Variants in PPP1R16B observed in about 807,000 individuals in gnomAD.
PPP1R16B encodes protein phosphatase 1 regulatory subunit 16B, also known as protein phosphatase 1 regulatory inhibitor subunit 16B.
PPP1R16B carries 14 observed loss-of-function variants against 61.7 expected under a neutral mutation model. The ratio of observed to expected loss-of-function variants is 0.23; its 90% CI spans 0.15 to 0.35. The LOEUF is 0.35. Ranked by LOEUF, PPP1R16B falls within the 10% of genes least tolerant of loss-of-function variation. The probability of loss-of-function intolerance (pLI) is 1.00; values close to 1 mark genes in which losing one functional copy is unlikely to be tolerated. For synonymous variants in PPP1R16B, 266 were observed against 305.3 expected (o/e 0.87, Z 1.34); for missense variants, 547 against 752.5 (o/e 0.73, Z 3.19).
intron 2 of PPP1R16B, among the ~76,000 whole-genome samples, chr20:38,857,057 C>G (rs1322016577): frequency 1.3e-5 from 2 of 152,208 alleles, no homozygotes; most frequent in African/African-American, 4.8e-5. Context: ...TGCCCTTTTC[C>G]AAACCCATTG....
chr20:38,914,704 G>T (rs1454319811), intron 10 of PPP1R16B, among the ~76,000 whole-genome samples: 2 of 152,104 alleles, frequency 1.3e-5, no homozygotes, highest in African/African-American at 2.4e-5. Context: ...ATTCTGACAG[G>T]GTCACTCAGG....
intron 2 of PPP1R16B, 46 bp downstream of exon 2, chr20:38,836,221 TG>T: frequency 1.3e-6 from 2 of 1,573,836 alleles, no homozygotes; most frequent in East Asian, 2.2e-5. Flanking sequence ...CCTTGGCCTC[TG>T]ATCAGGGTTT....
chr20:38,900,440 C>T (rs1461604299), intron 4 of PPP1R16B, 141 bp from the exon 5 acceptor site: 3 of 596,482 alleles, frequency 5.0e-6, no homozygotes, highest in Non-Finnish European at 8.7e-6. Context: ...ATCCAAGCAT[C>T]ATCTTGCTGG....
At position 38,920,294 on chromosome 20, in the gene PPP1R16B, C is replaced by A. The variant is rs779115041; in HGVS notation, c.*1628C>A. ...TGCAGGTTATCCCTTGCTCTGTGCG[C>A]CTTTTATTTGTCCTTAAACTACCTC... On this transcript the variant is annotated 3_prime_UTR_variant, in exon 11 of 11. Transcript: ENST00000299824. 3.3e-5 allele frequency: 5 copies of A among 152,712 alleles called. No individual in the cohort carries two copies. The highest frequency in any genetic ancestry group is 1.2e-4 in the African/African-American group (5 of 41,454). The allele number at this position is 152,712 out of a possible 1,614,324, so 9.5% of individuals were successfully genotyped here. A position where few individuals can be genotyped will look rare whatever the true frequency, so the allele number is the denominator to read the frequency against.
At chr20:38,832,905 G>A (rs1453205858) in intron 1 of PPP1R16B, among the ~76,000 whole-genome samples, 6 of 143,514 alleles carry the variant, frequency 4.2e-5, no homozygotes, top group African/African-American at 7.8e-5. Context: ...GCGACAGAGC[G>A]AGATCTCAAA....
chr20:38,850,371 T>A (rs1243409973), intron 2 of PPP1R16B, among the ~76,000 whole-genome samples: 1 of 152,190 alleles, frequency 6.6e-6, no homozygotes, highest in African/African-American at 2.4e-5. Flanking sequence ...AATATTGGGA[T>A]GATATTTCCA....
intron 2 of PPP1R16B, among the ~76,000 whole-genome samples, chr20:38,848,202 A>G (rs754854822): frequency 6.6e-6 from 1 of 152,166 alleles, no homozygotes; most frequent in Non-Finnish European, 1.5e-5. Context: ...ATGTTTCCTC[A>G]TCTAGTGATG....
rs376608508 is a variant in PPP1R16B, at chr20:38,817,416, T to C, written c.-102+11624T>C. ...TGTCTCTACTAAAAATACAAAAAAA[T>C]TAGCCAGGCATGGTTGTGTGTGCCT... On this transcript the variant is annotated intron_variant, in intron 1 of 10. Coordinates refer to ENST00000299824, the MANE Select transcript of PPP1R16B (RefSeq NM_015568.4). Among the ~76,000 whole-genome samples the C allele has an allele frequency of 1.6e-4, 25 of 151,802 alleles. No homozygotes were observed. The East Asian group carries it at 3.3e-3, about 20-fold the overall frequency.
At chr20:38,895,977 TCCC>T (rs1355930000) in intron 4 of PPP1R16B, among the ~76,000 whole-genome samples, 1 of 108,434 alleles carries the variant, frequency 9.2e-6, no homozygotes, top group African/African-American at 4.3e-5. Flanking sequence ...CTTCCCTCCC[TCCC>T]TCCTTCCTTC....
intron 2 of PPP1R16B, among the ~76,000 whole-genome samples, chr20:38,872,524 T>C (rs991588352): frequency 6.6e-6 from 1 of 152,086 alleles, no homozygotes; most frequent in African/African-American, 2.4e-5. Context: ...CTGGCAGGGT[T>C]TGTTAAAGCG....
intron 10 of PPP1R16B, among the ~76,000 whole-genome samples, chr20:38,914,392 T>G (rs1368535107): frequency 6.6e-6 from 1 of 152,138 alleles, no homozygotes; most frequent in Non-Finnish European, 1.5e-5. Flanking sequence ...GTGGGGGTTT[T>G]GTTTAACCTT....
chr20:38,849,696 CA>C (rs201465060), intron 2 of PPP1R16B, among the ~76,000 whole-genome samples: 34 of 61,046 alleles, frequency 5.6e-4, no homozygotes, highest in Non-Finnish European at 7.8e-4. Flanking sequence ...AAAAAAAAAA[CA>C]AAAAACTGTT....
chr20:38,829,464 G>T (rs150025121), intron 1 of PPP1R16B, among the ~76,000 whole-genome samples: 2 of 152,196 alleles, frequency 1.3e-5, no homozygotes, highest in Non-Finnish European at 2.9e-5. Context: ...AGGATGTTCC[G>T]TCTGGATTTT....
chr20:38,809,051 A>AAAAAAAAAAG (rs1555801299), intron 1 of PPP1R16B, among the ~76,000 whole-genome samples: 1 of 150,882 alleles, frequency 6.6e-6, no homozygotes, highest in Non-Finnish European at 1.5e-5. Context: ...AAAGAAAAAA[A>AAAAAAAAAAG]AAAGTGCTCA....
At chr20:38,834,152 T>A (rs909582316) in intron 1 of PPP1R16B, among the ~76,000 whole-genome samples, 3 of 152,228 alleles carry the variant, frequency 2.0e-5, no homozygotes, top group African/African-American at 7.2e-5. Flanking sequence ...TCTTAATGTT[T>A]AGGGCCAGCT....
intron 2 of PPP1R16B, among the ~76,000 whole-genome samples, chr20:38,877,055 G>A (rs1399748289): frequency 6.6e-6 from 1 of 151,988 alleles, no homozygotes; most frequent in Non-Finnish European, 1.5e-5. Context: ...ATTTTCCCAT[G>A]TCATTAGAAA....
chr20:38,901,352 C>T (rs1210131735), intron 5 of PPP1R16B, among the ~76,000 whole-genome samples: 1 of 152,222 alleles, frequency 6.6e-6, no homozygotes, highest in East Asian at 1.9e-4. Context: ...TCATCTCCTG[C>T]AGAGGTTCTT....
chr20:38,918,505 G>A lies in PPP1R16B; in HGVS notation c.1543G>A (p.Glu515Lys). The change falls in exon 11 of 11, where the codon GAA becomes AAA. Residue 515 changes from glutamate to lysine, a missense_variant. Glu to Lys is a moderately conservative substitution (Grantham distance 56). Coordinates refer to ENST00000299824, the MANE Select transcript of PPP1R16B (RefSeq NM_015568.4). The surrounding 1 kb of genome is among the most constrained non-coding windows in gnomAD (Gnocchi z 5.3). ...SMARTGESSS[E>K]GKAPLIGGRT... ...GGCCAGGACGGGCGAGAGTAGCAGT[G>A]AAGGCAAGGCCCCCTTGATCGGAGG... 15 of 1,605,832 alleles carry A rather than the reference G, an allele frequency of 9.3e-6. No individual in the cohort carries two copies. The highest frequency in any genetic ancestry group is 1.3e-5 in the Non-Finnish European group (15 of 1,174,358).
intron 2 of PPP1R16B, among the ~76,000 whole-genome samples, chr20:38,843,665 G>A (rs998025087): frequency 2.6e-5 from 4 of 152,148 alleles, no homozygotes; most frequent in African/African-American, 7.2e-5. Flanking sequence ...CTCAAGGGGT[G>A]GGGAATTAAG....
Sources: allele counts gnomAD v4.1 joint callset (sites outside exome capture counted in the v4.1 genomes callset), GRCh38; gene constraint gnomAD v4.1.1; non-coding constraint Gnocchi (gnomAD v3.1); transcripts MANE v1.5; gene names NCBI Gene and HGNC (gene_info 2026-07-23, HGNC 2026-07-21).